AK5: variants seen among roughly 807,000 people sequenced by gnomAD.
AK5 encodes the protein adenylate kinase isoenzyme 5.
A neutral mutation model predicts 69.5 loss-of-function variants in AK5; 27 were observed. The ratio of observed to expected loss-of-function variants is 0.39; its 90% CI spans 0.29 to 0.54. The LOEUF (loss-of-function observed/expected upper bound fraction) is 0.54, where lower values mean the gene tolerates loss of function less well. Ranked by LOEUF, AK5 falls within the 20% of genes least tolerant of loss-of-function variation. The probability of loss-of-function intolerance (pLI) is 0.71; values close to 1 mark genes in which losing one functional copy is unlikely to be tolerated. For missense variants in AK5, 531 were observed against 700.4 expected (o/e 0.76, Z 2.73); for synonymous variants, 260 against 244.4 (o/e 1.06, Z -0.60).
intron 6 of AK5, among the ~76,000 whole-genome samples, chr1:77,341,687 T>A (rs1353045521): frequency 3.3e-5 from 5 of 152,344 alleles, no homozygotes; most frequent in African/African-American, 1.2e-4. Context: ...TGCAATCTTT[T>A]TAGCACCATA....
intron 6 of AK5, among the ~76,000 whole-genome samples, chr1:77,367,683 T>TAA (rs1646997865): frequency 9.9e-6 from 1 of 101,094 alleles, no homozygotes; most frequent in African/African-American, 3.9e-5. Context: ...AATATATATG[T>TAA]TATATATACG....
At chr1:77,309,008 A>G (rs1659795621) in intron 5 of AK5, among the ~76,000 whole-genome samples, 1 of 151,152 alleles carries the variant, frequency 6.6e-6, no homozygotes, top group South Asian at 2.1e-4. Context: ...GTTCTCACTT[A>G]TAAGTGGGAG....
chr1:77,486,471 A>G (rs145717573), intron 10 of AK5, 119 bp downstream of exon 10: 22,891 of 607,044 alleles, frequency 0.038, 554 homozygotes, highest in Middle Eastern at 0.051. Flanking sequence ...CAAGGCGGGC[A>G]GATCACGAGG....
chr1:77,444,093 A>G (rs1348290076), intron 8 of AK5, among the ~76,000 whole-genome samples: 1 of 147,972 alleles, frequency 6.8e-6, no homozygotes, highest in Admixed American at 6.8e-5. Context: ...ATAGCTACCC[A>G]TTTCCTGTCC....
chr1:77,473,401 A>G (rs1654641425), intron 8 of AK5, among the ~76,000 whole-genome samples: 1 of 152,000 alleles, frequency 6.6e-6, no homozygotes, highest in Non-Finnish European at 1.5e-5. Flanking sequence ...TTCTTTAGAC[A>G]GCACCTAATC....
At chr1:77,505,666 A>G (rs1656983261) in intron 10 of AK5, among the ~76,000 whole-genome samples, 1 of 152,122 alleles carries the variant, frequency 6.6e-6, no homozygotes, top group Admixed American at 6.5e-5. Flanking sequence ...CAGGAGTTCA[A>G]GACTAGCCTG....
At chr1:77,378,012 T>A (rs990911593) in intron 6 of AK5, among the ~76,000 whole-genome samples, 1 of 152,162 alleles carries the variant, frequency 6.6e-6, no homozygotes, top group African/African-American at 2.4e-5. Context: ...AATGTTTTTT[T>A]CTAAACATCA....
chr1:77,504,433 A>G (rs1275072478), intron 10 of AK5, among the ~76,000 whole-genome samples: 3 of 79,126 alleles, frequency 3.8e-5, no homozygotes, highest in Admixed American at 2.8e-4. Context: ...TTTTCTGTGT[A>G]TATATATATT....
At chr1:77,507,804 C>T (rs1657109974) in intron 10 of AK5, among the ~76,000 whole-genome samples, 1 of 152,224 alleles carries the variant, frequency 6.6e-6, no homozygotes, top group Admixed American at 6.5e-5. Context: ...CTTAGATTAT[C>T]TAATCTAGAA....
chr1:77,368,652 C>T (rs1199909499), intron 6 of AK5, among the ~76,000 whole-genome samples: 3 of 151,940 alleles, frequency 2.0e-5, no homozygotes, highest in Non-Finnish European at 2.9e-5. Flanking sequence ...TAATGTGTTC[C>T]GTGTAGCTAA....
chr1:77,403,929 G>A (rs950334675), intron 6 of AK5, among the ~76,000 whole-genome samples: 6 of 152,200 alleles, frequency 3.9e-5, no homozygotes, highest in African/African-American at 1.4e-4. Flanking sequence ...CTACCCATGA[G>A]CATGGAATGT....
At chr1:77,500,471 T>C (rs563087956) in intron 10 of AK5, among the ~76,000 whole-genome samples, 5 of 152,132 alleles carry the variant, frequency 3.3e-5, no homozygotes, top group African/African-American at 4.8e-5. Flanking sequence ...GATGTGTTGA[T>C]AAAGTGTCCA....
At chr1:77,522,048 C>A (rs1197671732) in intron 12 of AK5, 105 bp downstream of exon 12, 3 of 872,984 alleles carry the variant, frequency 3.4e-6, no homozygotes, top group East Asian at 5.4e-5. Flanking sequence ...TTAATGAAAA[C>A]TTTAAGGGGC....
At chr1:77,347,703 G>A (rs766237100) in intron 6 of AK5, among the ~76,000 whole-genome samples, 29 of 152,080 alleles carry the variant, frequency 1.9e-4, no homozygotes, top group Non-Finnish European at 3.4e-4. Context: ...ATGGCAACCC[G>A]CATATAGCAA....
chr1:77,305,255 A>AT (rs969507183), intron 5 of AK5, among the ~76,000 whole-genome samples: 2 of 151,126 alleles, frequency 1.3e-5, no homozygotes, highest in African/African-American at 4.9e-5. Flanking sequence ...TAGTTTGCAA[A>AT]TTTTTTTTGC....
intron 8 of AK5, among the ~76,000 whole-genome samples, chr1:77,422,865 G>A (rs1053376620): frequency 3.9e-5 from 6 of 152,054 alleles, no homozygotes; most frequent in African/African-American, 1.4e-4. Context: ...ATGCCTTACT[G>A]AGCCCCTTTT....
At chr1:77,313,876 C>G (rs183473013) in intron 5 of AK5, 2 of 532,318 alleles carry the variant, frequency 3.8e-6, no homozygotes, top group Admixed American at 3.9e-5. Context: ...ATGTCCAGTC[C>G]GTCAAGATTC....
At chr1:77,472,181 C>T (rs1005704161) in intron 8 of AK5, among the ~76,000 whole-genome samples, 4 of 152,156 alleles carry the variant, frequency 2.6e-5, no homozygotes, top group Admixed American at 2.0e-4. Flanking sequence ...TATTTTCTTC[C>T]TTACCCACAT....
At chr1:77,333,962 T>C (rs1244073531) in intron 5 of AK5, among the ~76,000 whole-genome samples, 2 of 152,234 alleles carry the variant, frequency 1.3e-5, no homozygotes, top group Non-Finnish European at 2.9e-5. Flanking sequence ...TCTTTATTTG[T>C]AAATACCACA....
Sources: allele counts gnomAD v4.1 joint callset (sites outside exome capture counted in the v4.1 genomes callset), GRCh38; gene constraint gnomAD v4.1.1; transcripts MANE v1.5; gene names NCBI Gene and HGNC (gene_info 2026-07-23, HGNC 2026-07-21).